The following AGBL4 variants were observed in gnomAD, a reference collection of about 807,000 sequenced individuals.
AGBL4 encodes AGBL carboxypeptidase 4.
AGBL4 carries 58 observed loss-of-function variants against 66.4 expected under a neutral mutation model. That is an observed-to-expected ratio of 0.87 (90% CI 0.71 to 1.09). The LOEUF is 1.09. Among genes scored for constraint, AGBL4 ranks in the 50% least tolerant of loss-of-function variants. The pLI is 0.00. For missense variants in AGBL4, 579 were observed against 631.0 expected (o/e 0.92, Z 0.88); for synonymous variants, 234 against 222.9 (o/e 1.05, Z -0.44).
At chr1:49,748,808 T>G (rs1027052228) in intron 2 of AGBL4, among the ~76,000 whole-genome samples, 1 of 152,208 alleles carries the variant, frequency 6.6e-6, no homozygotes, top group Non-Finnish European at 1.5e-5. Flanking sequence ...ATGTCTTCTT[T>G]TGAGAAGTGT....
intron 6 of AGBL4, among the ~76,000 whole-genome samples, chr1:48,837,581 C>A (rs961161181): frequency 7.3e-5 from 11 of 151,348 alleles, no homozygotes; most frequent in Admixed American, 3.3e-4. Context: ...AGCTTCGGGA[C>A]TGGGACTGGC....
intron 3 of AGBL4, among the ~76,000 whole-genome samples, chr1:49,540,213 C>T (rs188075783): frequency 3.3e-5 from 5 of 152,266 alleles, no homozygotes; most frequent in African/African-American, 4.8e-5. Flanking sequence ...CTTTACTCTC[C>T]CCATAAACTT....
chr1:49,358,071 A>G (rs1227723388), intron 3 of AGBL4, among the ~76,000 whole-genome samples: 1 of 152,080 alleles, frequency 6.6e-6, no homozygotes, highest in African/African-American at 2.4e-5. Context: ...GCCAGTTTCC[A>G]CTAACCCTTT....
chr1:49,982,119 A>G (rs1659105918), intron 1 of AGBL4, among the ~76,000 whole-genome samples: 1 of 152,244 alleles, frequency 6.6e-6, no homozygotes, highest in South Asian at 2.1e-4. Context: ...AATAGTGAAT[A>G]CAGTTGAATG....
intron 6 of AGBL4, among the ~76,000 whole-genome samples, chr1:48,746,656 T>C (rs967852537): frequency 4.6e-5 from 7 of 152,196 alleles, no homozygotes; most frequent in Non-Finnish European, 1.0e-4. Context: ...CAAAGGTACA[T>C]CTTAAAAGGG....
chr1:49,644,405 A>T (rs1473955369), intron 3 of AGBL4, among the ~76,000 whole-genome samples: 1 of 151,780 alleles, frequency 6.6e-6, no homozygotes, highest in Non-Finnish European at 1.5e-5. Flanking sequence ...ACTATTTATT[A>T]GAATCCCATT....
At chr1:49,619,649 T>G (rs1645318327) in intron 3 of AGBL4, among the ~76,000 whole-genome samples, 1 of 150,824 alleles carries the variant, frequency 6.6e-6, no homozygotes, top group Non-Finnish European at 1.5e-5. Flanking sequence ...CAAAAAAGAG[T>G]CTGTATAGCG....
intron 3 of AGBL4, among the ~76,000 whole-genome samples, chr1:49,361,386 G>A (rs1644131022): frequency 6.6e-6 from 1 of 152,096 alleles, no homozygotes; most frequent in Non-Finnish European, 1.5e-5. Flanking sequence ...GAGTGCAGTG[G>A]CACGATCTGG....
intron 1 of AGBL4, among the ~76,000 whole-genome samples, chr1:50,008,541 G>A (rs1226326643): frequency 2.6e-5 from 4 of 151,744 alleles, no homozygotes; most frequent in Non-Finnish European, 2.9e-5. Flanking sequence ...GTTTATTGCC[G>A]TAAGAAACTA....
Position 49,713,390 on chromosome 1 carries a change from A to G in AGBL4, c.158-15953T>C, listed in dbSNP as rs1647823482. On this transcript the variant is annotated intron_variant, in intron 2 of 13. Transcript: ENST00000371839. ...ATGTTAACACCTTGTCTTATTTAGCAATTCATTAACATAGATAGTTCTATA... is the reference window on the plus strand; with the variant it reads ...ATGTTAACACCTTGTCTTATTTAGCGATTCATTAACATAGATAGTTCTATA... Among the ~76,000 whole-genome samples the G allele has an allele frequency of 5.3e-5, 8 of 152,150 alleles. No homozygotes were observed. In the South Asian group the frequency reaches 1.7e-3, roughly 32 times the overall value.
chr1:49,739,746 T>C (rs1571448612), intron 2 of AGBL4, among the ~76,000 whole-genome samples: 1 of 152,310 alleles, frequency 6.6e-6, no homozygotes, highest in Middle Eastern at 3.4e-3. Context: ...GGGGCCAATA[T>C]TCAACATTCT....
At position 49,095,626 on chromosome 1, in the gene AGBL4, G is replaced by A. The variant is rs1008012464; in HGVS notation, c.378-49826C>T. On this transcript the variant is annotated intron_variant, in intron 4 of 13. Transcript: ENST00000371839. ...TTTAATAAATGGTGCTGGGAAAACT[G>A]GCTAGCCATATGTAGAAAGCTGAAA... Among the ~76,000 whole-genome samples the A allele has an allele frequency of 5.9e-5, 9 of 151,962 alleles. No homozygotes were observed. In the South Asian group the frequency reaches 8.3e-4, roughly 14 times the overall value.
At chr1:49,751,682 A>G (rs188793639) in intron 2 of AGBL4, among the ~76,000 whole-genome samples, 7 of 152,340 alleles carry the variant, frequency 4.6e-5, no homozygotes, top group African/African-American at 1.7e-4. Context: ...TACCTCTGGT[A>G]GAATTCGGCT....
chr1:49,444,115 T>C (rs1287745391), intron 3 of AGBL4, among the ~76,000 whole-genome samples: 2 of 152,056 alleles, frequency 1.3e-5, no homozygotes, highest in African/African-American at 4.8e-5. Context: ...CATTGTTGTC[T>C]GAGAAGGTAC....
At chr1:49,828,876 C>T (rs1645580124) in intron 2 of AGBL4, among the ~76,000 whole-genome samples, 1 of 151,990 alleles carries the variant, frequency 6.6e-6, no homozygotes, top group Admixed American at 6.5e-5. Context: ...CAAGACCATC[C>T]TGGCTAACAC....
At chr1:48,751,026 G>A (rs1237806916) in intron 6 of AGBL4, among the ~76,000 whole-genome samples, 7 of 152,184 alleles carry the variant, frequency 4.6e-5, no homozygotes, top group Non-Finnish European at 1.5e-5. Context: ...ACTGCTTCAT[G>A]ATATAGCATT....
At chr1:48,851,968 A>G (rs934441159) in intron 6 of AGBL4, among the ~76,000 whole-genome samples, 1 of 150,066 alleles carries the variant, frequency 6.7e-6, no homozygotes, top group Non-Finnish European at 1.5e-5. Flanking sequence ...AGAACTTCCC[A>G]TAACAACATG....
intron 5 of AGBL4, among the ~76,000 whole-genome samples, chr1:48,915,342 C>A (rs1653494078): frequency 6.6e-6 from 1 of 152,196 alleles, no homozygotes; most frequent in African/African-American, 2.4e-5. Flanking sequence ...AGCTCAAATG[C>A]CACTGTCTTT....
At chr1:49,108,233 T>A (rs1440555497) in intron 4 of AGBL4, among the ~76,000 whole-genome samples, 1 of 152,198 alleles carries the variant, frequency 6.6e-6, no homozygotes, top group Admixed American at 6.5e-5. Context: ...TGTTCATGTA[T>A]CCACTCATTC....
Sources: gnomAD v4.1 joint callset for allele counts (sites outside exome capture counted in the v4.1 genomes callset) on GRCh38, gnomAD v4.1.1 for gene constraint, MANE v1.5 for transcripts, NCBI Gene and HGNC (gene_info 2026-07-23, HGNC 2026-07-21) for gene names.